ARL8B: variants seen among roughly 807,000 people sequenced by gnomAD.
ARL8B encodes the protein ARF like GTPase 8B.
In ARL8B, 9 loss-of-function variants were observed where a neutral mutation model predicts 30.6. That is an observed-to-expected ratio of 0.29 (90% CI 0.18 to 0.51). ARL8B has a LOEUF of 0.51. Among genes scored for constraint, ARL8B ranks in the 20% least tolerant of loss-of-function variants. The probability of loss-of-function intolerance (pLI) is 0.97; values close to 1 mark genes in which losing one functional copy is unlikely to be tolerated. For synonymous variants in ARL8B, 74 were observed against 76.0 expected (o/e 0.97, Z 0.14); for missense variants, 130 against 227.2 (o/e 0.57, Z 2.75).
At chr3:5,155,564 C>T (rs1190756763) in intron 1 of ARL8B, among the ~76,000 whole-genome samples, 1 of 151,980 alleles carries the variant, frequency 6.6e-6, no homozygotes, top group African/African-American at 2.4e-5. Context: ...TCCCATAGGT[C>T]CCCTGGGCTC....
rs769011433 is a variant in ARL8B, at chr3:5,172,630, C to T, written c.279-17C>T. ...GCATACAGAGAAGGTATGTTGAGAT[C>T]ACTTCATTTTTTTAAGTTACATGAT... is the stretch of plus-strand genomic sequence containing the variant. On this transcript the variant is annotated splice_polypyrimidine_tract_variant and intron_variant, in intron 3 of 6. Coordinates refer to ENST00000256496, the MANE Select transcript of ARL8B (RefSeq NM_018184.3). The T allele has an allele frequency of 1.9e-6, 3 of 1,562,140 alleles. No individual in the cohort carries two copies. Among genetic ancestry groups the T allele is most frequent in the South Asian group, 2.3e-5 (2 of 88,788 alleles).
chr3:5,131,916 C>T (rs1414747342), intron 1 of ARL8B, among the ~76,000 whole-genome samples: 1 of 152,118 alleles, frequency 6.6e-6, no homozygotes, highest in Non-Finnish European at 1.5e-5. Flanking sequence ...CAGGGTCTCA[C>T]CCTGTCACCC....
At chr3:5,163,343 A>T (rs1043457326) in intron 1 of ARL8B, among the ~76,000 whole-genome samples, 1 of 152,126 alleles carries the variant, frequency 6.6e-6, no homozygotes, top group Non-Finnish European at 1.5e-5. Flanking sequence ...CTGTATTAAT[A>T]TCGCTGAATC....
intron 6 of ARL8B, among the ~76,000 whole-genome samples, chr3:5,176,787 T>G (rs1222110161): frequency 1.3e-5 from 2 of 152,194 alleles, no homozygotes; most frequent in Non-Finnish European, 2.9e-5. Context: ...TTTTTAAAAT[T>G]TAAGATATGC....
At chr3:5,140,738 T>A (rs1300177199) in intron 1 of ARL8B, among the ~76,000 whole-genome samples, 1 of 152,178 alleles carries the variant, frequency 6.6e-6, no homozygotes, top group African/African-American at 2.4e-5. Context: ...TCTGAAATTC[T>A]AGGCTATAAT....
rs2106575746 is a variant in ARL8B, at chr3:5,178,811, C to G, written c.*98C>G. 1 of 1,572,958 alleles carries G rather than the reference C, an allele frequency of 6.4e-7. No homozygotes were observed. The highest frequency in any genetic ancestry group is 1.1e-5 in the South Asian group (1 of 87,238). ...CCCAGAATACGGTCCTTCCTAAACC[C>G]CAGAAATTGCCTTTTTCAGAGTTTA... On this transcript the variant is annotated 3_prime_UTR_variant, in exon 7 of 7. Transcript: ENST00000256496.
intron 1 of ARL8B, among the ~76,000 whole-genome samples, chr3:5,143,970 G>A (rs1403513146): frequency 4.6e-5 from 7 of 152,164 alleles, no homozygotes; most frequent in African/African-American, 1.7e-4. Context: ...TTTCATTCAA[G>A]GCATTTTAGT....
At chr3:5,140,177 G>T (rs374735630) in intron 1 of ARL8B, among the ~76,000 whole-genome samples, 1 of 151,978 alleles carries the variant, frequency 6.6e-6, no homozygotes, top group South Asian at 2.1e-4. Context: ...AAGTCTTCTG[G>T]TATGGTTTTG....
chr3:5,147,490 T>C (rs2054438776), intron 1 of ARL8B, among the ~76,000 whole-genome samples: 1 of 152,220 alleles, frequency 6.6e-6, no homozygotes, highest in African/African-American at 2.4e-5. Flanking sequence ...ATGCCCTGGC[T>C]TTCCACACTC....
chr3:5,141,978 G>A (rs78942237), intron 1 of ARL8B, among the ~76,000 whole-genome samples: 1,919 of 152,140 alleles, frequency 0.013, 33 homozygotes, highest in African/African-American at 0.044. Context: ...AAATTTATTC[G>A]GCACTCCCCT....
chr3:5,167,041 G>A (rs1303988109), intron 1 of ARL8B, among the ~76,000 whole-genome samples: 1 of 152,162 alleles, frequency 6.6e-6, no homozygotes, highest in Non-Finnish European at 1.5e-5. Context: ...GAATCCCAAG[G>A]TCACATGACT....
intron 1 of ARL8B, among the ~76,000 whole-genome samples, chr3:5,166,329 C>T (rs759892665): frequency 2.4e-4 from 35 of 147,222 alleles, no homozygotes; most frequent in Non-Finnish European, 3.4e-4. Flanking sequence ...TGAGCTGCTG[C>T]GCCTGGCTGG....
intron 1 of ARL8B, among the ~76,000 whole-genome samples, chr3:5,151,726 C>CG (rs1208207804): frequency 1.4e-4 from 18 of 126,380 alleles, no homozygotes; most frequent in Non-Finnish European, 1.0e-4. Context: ...CCCCCACCCC[C>CG]CCCCTTGGAG....
intron 1 of ARL8B, among the ~76,000 whole-genome samples, chr3:5,166,058 T>TG (rs2054621284): frequency 6.6e-6 from 1 of 151,440 alleles, no homozygotes; most frequent in Non-Finnish European, 1.5e-5. Context: ...TTTTTTTTTT[T>TG]GAGACGGAGT....
intron 1 of ARL8B, among the ~76,000 whole-genome samples, chr3:5,159,458 T>G (rs1315496063): frequency 2.0e-5 from 3 of 150,972 alleles, no homozygotes; most frequent in African/African-American, 7.3e-5. Context: ...CAAAATTAGC[T>G]GGGTGTGGTG....
intron 1 of ARL8B, among the ~76,000 whole-genome samples, chr3:5,137,146 C>T (rs748307875): frequency 4.6e-5 from 7 of 152,260 alleles, no homozygotes; most frequent in Middle Eastern, 3.4e-3. Context: ...CTCAAAGCTT[C>T]AGTTTCCTCA....
At chr3:5,128,872 T>C (rs1369501684) in intron 1 of ARL8B, among the ~76,000 whole-genome samples, 1 of 152,234 alleles carries the variant, frequency 6.6e-6, no homozygotes, top group Non-Finnish European at 1.5e-5. Context: ...TATAATGCTT[T>C]ATATTCTGGT....
chr3:5,132,891 A>G (rs963881021), intron 1 of ARL8B, among the ~76,000 whole-genome samples: 1 of 152,186 alleles, frequency 6.6e-6, no homozygotes, highest in African/African-American at 2.4e-5. Context: ...GACCCACCCC[A>G]TTAAGACATT....
At chr3:5,144,974 G>T (rs558665356) in intron 1 of ARL8B, among the ~76,000 whole-genome samples, 5 of 152,282 alleles carry the variant, frequency 3.3e-5, no homozygotes, top group Admixed American at 2.0e-4. Flanking sequence ...GAGCTTTAGC[G>T]CCTGGTTAAA....
Sources: gnomAD v4.1 joint callset for allele counts (sites outside exome capture counted in the v4.1 genomes callset) on GRCh38, gnomAD v4.1.1 for gene constraint, MANE v1.5 for transcripts, NCBI Gene and HGNC (gene_info 2026-07-23, HGNC 2026-07-21) for gene names.